Variants in KCNMA1 observed in about 807,000 individuals in gnomAD.
KCNMA1 encodes Calcium-activated potassium channel subunit alpha-1.
A neutral mutation model predicts 140.0 loss-of-function variants in KCNMA1; 29 were observed. The observed-to-expected ratio is 0.21, with a 90% CI of 0.15 to 0.28. KCNMA1 has a LOEUF of 0.28. KCNMA1 is among the 10% of genes least tolerant of loss of function. KCNMA1 has a pLI of 1.00. For missense variants in KCNMA1, 880 were observed against 1,602.2 expected (o/e 0.55, Z 7.70); for synonymous variants, 612 against 611.9 (o/e 1.00, Z 0.00).
At chr10:77,495,470 CTG>C (rs2041568543) in intron 1 of KCNMA1, among the ~76,000 whole-genome samples, 1 of 152,260 alleles carries the variant, frequency 6.6e-6, no homozygotes, top group African/African-American at 2.4e-5. Flanking sequence ...AGAGGGCTGA[CTG>C]TGGCTCACTC....
At chr10:77,052,740 G>C (rs998809076) in intron 14 of KCNMA1, among the ~76,000 whole-genome samples, 3 of 152,120 alleles carry the variant, frequency 2.0e-5, no homozygotes, top group Admixed American at 6.5e-5. Flanking sequence ...TCCCTGGTCA[G>C]AGTCTTCAGC....
Position 76,886,725 on chromosome 10 carries a change from G to A in KCNMA1, c.*541C>T, listed in dbSNP as rs181878782. The stretch of plus-strand genomic sequence containing the variant: ...ATCGTGAAAGCTTTTCAAATGCTTC[G>A]CAATACTTCGGCCCAGAGACTGGAA... On this transcript the variant is annotated 3_prime_UTR_variant, in exon 28 of 28. Transcript: ENST00000286628. 15 of 1,003,272 alleles carry A rather than the reference G, an allele frequency of 1.5e-5. No individual in the cohort carries two copies. In the South Asian group the frequency reaches 1.7e-4, roughly 11 times the overall value. The allele number at this position is 1,003,272 out of a possible 1,614,324, so 62.1% of individuals were successfully genotyped here. A position where few individuals can be genotyped will look rare whatever the true frequency, so the allele number is the denominator to read the frequency against.
chr10:77,465,151 TAC>T (rs2097962933), intron 1 of KCNMA1, among the ~76,000 whole-genome samples: 2 of 152,128 alleles, frequency 1.3e-5, no homozygotes, highest in African/African-American at 2.4e-5. Context: ...AGACCAAACA[TAC>T]AGTCTCTGAT....
intron 3 of KCNMA1, among the ~76,000 whole-genome samples, chr10:77,197,741 T>C (rs2041030547): frequency 6.7e-6 from 1 of 149,520 alleles, no homozygotes; most frequent in African/African-American, 2.5e-5. Flanking sequence ...AAGGGGGAGG[T>C]TGCATCATGC....
chr10:77,600,895 C>T (rs1404951761), intron 1 of KCNMA1, among the ~76,000 whole-genome samples: 1 of 152,180 alleles, frequency 6.6e-6, no homozygotes, highest in Non-Finnish European at 1.5e-5. Context: ...CTTAAGCTCA[C>T]TCCACTCCAC....
intron 3 of KCNMA1, among the ~76,000 whole-genome samples, chr10:77,194,647 C>T (rs1335878847): frequency 1.3e-5 from 2 of 152,010 alleles, no homozygotes; most frequent in Non-Finnish European, 2.9e-5. Context: ...CTTTCTTATT[C>T]TGAACCTTAG....
intron 1 of KCNMA1, among the ~76,000 whole-genome samples, chr10:77,518,082 C>G (rs982406137): frequency 6.6e-6 from 1 of 152,144 alleles, no homozygotes; most frequent in Non-Finnish European, 1.5e-5. Flanking sequence ...CCTCAAAGAT[C>G]CCCCATAGTT....
rs200356374 is a variant in KCNMA1, at chr10:77,184,868, G to A, written c.651C>T (p.Ile217=). 2.4e-5 allele frequency: 39 copies of A among 1,612,980 alleles called. No individual in the cohort carries two copies. In the East Asian group the frequency reaches 5.1e-4, roughly 21 times the overall value. The change falls in exon 4 of 28, where the codon ATC becomes ATT. Residue 217 remains isoleucine (I), a synonymous_variant. Coordinates refer to ENST00000286628, the MANE Select transcript of KCNMA1 (RefSeq NM_001161352.2). ...QNFYKDFTLQ[I]DMAFNVFFLL... ...GGAAGAACACGTTGAAAGCCATGTC[G>A]ATCTGTAATGTGAAATCTTTGTAGA...
At chr10:77,559,365 C>T (rs971663368) in intron 1 of KCNMA1, among the ~76,000 whole-genome samples, 1 of 152,226 alleles carries the variant, frequency 6.6e-6, no homozygotes, top group Non-Finnish European at 1.5e-5. Flanking sequence ...TTGGACCTGG[C>T]ACAGTCGACA....
At chr10:77,467,162 A>G (rs895149631) in intron 1 of KCNMA1, among the ~76,000 whole-genome samples, 3 of 152,268 alleles carry the variant, frequency 2.0e-5, no homozygotes, top group Admixed American at 2.0e-4. Flanking sequence ...TCTTGGCCTT[A>G]TAGATTCACC....
At chr10:77,095,854 G>A (rs1322253498) in intron 9 of KCNMA1, among the ~76,000 whole-genome samples, 2 of 152,120 alleles carry the variant, frequency 1.3e-5, no homozygotes, top group Non-Finnish European at 1.5e-5. Flanking sequence ...GTGACTTAAG[G>A]CAGAAGGCAG....
intron 14 of KCNMA1, among the ~76,000 whole-genome samples, chr10:77,056,725 C>T (rs984558282): frequency 5.9e-5 from 9 of 151,958 alleles, no homozygotes; most frequent in Admixed American, 6.6e-5. Context: ...ATTTAAAAAT[C>T]AAAATTTTAA....
intron 2 of KCNMA1, among the ~76,000 whole-genome samples, chr10:77,301,391 T>C (rs760266943): frequency 2.1e-4 from 32 of 152,236 alleles, no homozygotes; most frequent in Non-Finnish European, 3.8e-4. Context: ...ATAACTTTTA[T>C]GCTGGCTTGA....
chr10:77,579,139 G>A (rs2075115885), intron 1 of KCNMA1, among the ~76,000 whole-genome samples: 2 of 152,246 alleles, frequency 1.3e-5, no homozygotes, highest in East Asian at 3.9e-4. Context: ...ATGAGTCAGT[G>A]ATGTCTAGCC....
chr10:77,034,800 T>C (rs12248514), intron 15 of KCNMA1, among the ~76,000 whole-genome samples: 13,900 of 152,248 alleles, frequency 0.091, 730 homozygotes, highest in African/African-American at 0.13. Context: ...GAGAGACACA[T>C]ACCATATTTT....
At chr10:77,534,302 G>A (rs2058362059) in intron 1 of KCNMA1, among the ~76,000 whole-genome samples, 1 of 152,102 alleles carries the variant, frequency 6.6e-6, no homozygotes, top group Non-Finnish European at 1.5e-5. Flanking sequence ...TCATAAAAAG[G>A]GTTTACATAG....
chr10:77,066,777 T>C (rs2095969402), intron 14 of KCNMA1, among the ~76,000 whole-genome samples: 1 of 152,176 alleles, frequency 6.6e-6, no homozygotes, highest in South Asian at 2.1e-4. Context: ...GTAAGCAACA[T>C]CTTGCATCTC....
chr10:77,246,064 G>A (rs1354064676), intron 3 of KCNMA1, among the ~76,000 whole-genome samples: 1 of 152,142 alleles, frequency 6.6e-6, no homozygotes, highest in South Asian at 2.1e-4. Flanking sequence ...ATGGAGAAAG[G>A]GAGAACAAAA....
At chr10:77,402,460 A>G (rs899913420) in intron 2 of KCNMA1, among the ~76,000 whole-genome samples, 7 of 152,130 alleles carry the variant, frequency 4.6e-5, no homozygotes, top group African/African-American at 7.2e-5. Context: ...TTTGCCATCA[A>G]TTGACATCAG....
Sources: allele counts gnomAD v4.1 joint callset (sites outside exome capture counted in the v4.1 genomes callset), GRCh38; gene constraint gnomAD v4.1.1; transcripts MANE v1.5; gene names NCBI Gene and HGNC (gene_info 2026-07-23, HGNC 2026-07-21).